Variants in RNF180 observed in about 807,000 individuals in gnomAD.
RNF180 encodes the protein E3 ubiquitin-protein ligase RNF180.
In RNF180, 38 loss-of-function variants were observed where a neutral mutation model predicts 59.2. The ratio of observed to expected loss-of-function variants is 0.64; its 90% CI spans 0.50 to 0.84. RNF180 has a LOEUF of 0.84. Ranked by LOEUF, RNF180 falls within the 40% of genes least tolerant of loss-of-function variation. The probability of loss-of-function intolerance (pLI) is 0.00; values close to 1 mark genes in which losing one functional copy is unlikely to be tolerated. For missense variants in RNF180, 705 were observed against 700.9 expected (o/e 1.01, Z -0.07); for synonymous variants, 262 against 240.3 (o/e 1.09, Z -0.84).
At chr5:64,337,048 A>G (rs559908760) in intron 7 of RNF180, among the ~76,000 whole-genome samples, 95 of 149,862 alleles carry the variant, frequency 6.3e-4, no homozygotes, top group Non-Finnish European at 4.3e-4. Flanking sequence ...TTTTGAGACA[A>G]CGTCTCACTC....
At chr5:64,286,563 C>G (rs1742297482) in intron 5 of RNF180, among the ~76,000 whole-genome samples, 1 of 151,952 alleles carries the variant, frequency 6.6e-6, no homozygotes, top group Non-Finnish European at 1.5e-5. Flanking sequence ...TTGAATCACC[C>G]CTGAATTGCT....
chr5:64,268,298 A>G (rs1297411609), intron 5 of RNF180, among the ~76,000 whole-genome samples: 1 of 152,198 alleles, frequency 6.6e-6, no homozygotes, highest in Non-Finnish European at 1.5e-5. Flanking sequence ...CTACATTACT[A>G]CAATTTAGAG....
chr5:64,181,612 C>CCT (rs1244054880), intron 1 of RNF180, among the ~76,000 whole-genome samples: 1 of 152,088 alleles, frequency 6.6e-6, no homozygotes, highest in East Asian at 1.9e-4. Context: ...GCAACCTTTG[C>CCT]CTAGATAGGA....
At chr5:64,229,344 G>C (rs1157661801) in intron 5 of RNF180, among the ~76,000 whole-genome samples, 1 of 152,112 alleles carries the variant, frequency 6.6e-6, no homozygotes, top group African/African-American at 2.4e-5. Flanking sequence ...CGGTGAAATG[G>C]ATCATCTTGT....
intron 2 of RNF180, among the ~76,000 whole-genome samples, chr5:64,208,457 A>G (rs1321437445): frequency 6.6e-6 from 1 of 152,038 alleles, no homozygotes; most frequent in African/African-American, 2.4e-5. Context: ...TTCATCACTC[A>G]TCTTAAAATA....
At position 64,307,826 on chromosome 5, in the gene RNF180, T is replaced by C. The variant is rs143685402; in HGVS notation, c.1228-17360T>C. Among the ~76,000 whole-genome samples the C allele has an allele frequency of 1.5e-3, 227 of 151,832 alleles. 1 individual carries two copies. The highest frequency in any genetic ancestry group is 5.2e-3 in the African/African-American group (217 of 41,502). On this transcript the variant is annotated intron_variant, in intron 5 of 7. Coordinates refer to ENST00000389100, the MANE Select transcript of RNF180 (RefSeq NM_001113561.2). ...GGTTGCATGGGGACTTGAAGTATGG[T>C]TTCTGCAGAACATGTATCACTTTTG...
intron 5 of RNF180, among the ~76,000 whole-genome samples, chr5:64,232,001 T>G (rs2921575): frequency 1 from 151,578 of 152,306 alleles, 75,445 homozygotes; most frequent in Middle Eastern, 1. Context: ...ATTACAGTTT[T>G]GGACTACACA....
intron 5 of RNF180, among the ~76,000 whole-genome samples, chr5:64,242,510 C>T (rs1742865842): frequency 6.6e-6 from 1 of 152,002 alleles, no homozygotes; most frequent in South Asian, 2.1e-4. Context: ...CTGTAAGTGA[C>T]CAGGACGAGA....
intron 1 of RNF180, among the ~76,000 whole-genome samples, chr5:64,172,387 C>G (rs757627226): frequency 6.6e-6 from 1 of 152,068 alleles, no homozygotes; most frequent in African/African-American, 2.4e-5. Flanking sequence ...CCCCACCCCC[C>G]ACAAGGAATG....
intron 5 of RNF180, among the ~76,000 whole-genome samples, chr5:64,230,939 C>G (rs1742065082): frequency 6.6e-6 from 1 of 152,148 alleles, no homozygotes; most frequent in Non-Finnish European, 1.5e-5. Flanking sequence ...CCATTAGTAT[C>G]ATAATTTGAC....
chr5:64,314,498 G>T (rs1437105272), intron 5 of RNF180, among the ~76,000 whole-genome samples: 2 of 151,958 alleles, frequency 1.3e-5, no homozygotes, highest in Non-Finnish European at 1.5e-5. Context: ...TTTGCTTTCT[G>T]TTTCCTAATG....
chr5:64,294,726 A>G (rs1742799627), intron 5 of RNF180, among the ~76,000 whole-genome samples: 1 of 152,206 alleles, frequency 6.6e-6, no homozygotes, highest in Non-Finnish European at 1.5e-5. Flanking sequence ...ATCATACTAT[A>G]TTAAATTGTG....
At chr5:64,273,251 A>G (rs1741521240) in intron 5 of RNF180, among the ~76,000 whole-genome samples, 1 of 151,974 alleles carries the variant, frequency 6.6e-6, no homozygotes, top group Non-Finnish European at 1.5e-5. Context: ...TCTGGGGGGA[A>G]TTGCCCACCC....
intron 6 of RNF180, among the ~76,000 whole-genome samples, chr5:64,328,814 C>T (rs1014169845): frequency 6.6e-6 from 1 of 152,134 alleles, no homozygotes; most frequent in African/African-American, 2.4e-5. Context: ...AAGCTTAAGG[C>T]AGTTGAAGTA....
At position 64,348,297 on chromosome 5, in the gene RNF180, A is replaced by G. The variant is rs568140808; in HGVS notation, c.1579+17891A>G. On this transcript the variant is annotated intron_variant, in intron 7 of 7. Coordinates refer to ENST00000389100, the MANE Select transcript of RNF180 (RefSeq NM_001113561.2). ...TTCTGGCCTGAGAAAATGAAAAGCT[A>G]TAGGATAATTTCTAAAAACATTTCA... Among the ~76,000 whole-genome samples, 14 of 152,080 alleles carry G rather than the reference A, an allele frequency of 9.2e-5. No individual in the cohort carries two copies. In the East Asian group the frequency reaches 1.5e-3, roughly 17 times the overall value.
chr5:64,321,589 T>G (rs1445904967), intron 5 of RNF180, among the ~76,000 whole-genome samples: 2 of 152,218 alleles, frequency 1.3e-5, no homozygotes, highest in South Asian at 2.1e-4. Flanking sequence ...ATGGCCATAC[T>G]GCCCAAAGTA....
In RNF180 at chr5:64,282,709, C is replaced by T. The variant is rs201721479; in HGVS notation, c.1228-42477C>T. ...CTCTTAACACTGTTTTAGTTGTTTT[C>T]CTGAGATTCTGGTATGTTATATCTT... On this transcript the variant is annotated intron_variant, in intron 5 of 7. Coordinates refer to ENST00000389100, the MANE Select transcript of RNF180 (RefSeq NM_001113561.2). Among the ~76,000 whole-genome samples, 9 of 152,186 alleles carry T rather than the reference C, an allele frequency of 5.9e-5. No individual in the cohort carries two copies. In the East Asian group the frequency reaches 1.4e-3, roughly 23 times the overall value.
chr5:64,317,641 C>T (rs1042665425), intron 5 of RNF180, among the ~76,000 whole-genome samples: 1 of 151,220 alleles, frequency 6.6e-6, no homozygotes, highest in Non-Finnish European at 1.5e-5. Flanking sequence ...CACACACACA[C>T]ACACACACAG....
intron 5 of RNF180, among the ~76,000 whole-genome samples, chr5:64,281,284 T>C (rs1277370086): frequency 6.6e-6 from 1 of 152,202 alleles, no homozygotes; most frequent in Non-Finnish European, 1.5e-5. Flanking sequence ...TATTTGGATG[T>C]CTTTTGTTTC....
Sources: allele counts gnomAD v4.1 joint callset (sites outside exome capture counted in the v4.1 genomes callset), GRCh38; gene constraint gnomAD v4.1.1; transcripts MANE v1.5; gene names NCBI Gene and HGNC (gene_info 2026-07-23, HGNC 2026-07-21).